The following HTR2C variants were observed in gnomAD, a reference collection of about 807,000 sequenced individuals.
HTR2C encodes the protein 5-hydroxytryptamine (serotonin) receptor 2C, G protein-coupled.
In HTR2C, 5 loss-of-function variants were observed where a neutral mutation model predicts 21.0. The observed-to-expected ratio is 0.24, with a 90% CI of 0.12 to 0.50. HTR2C has a LOEUF of 0.50. Among genes scored for constraint, HTR2C ranks in the 20% least tolerant of loss-of-function variants. The pLI is 0.98. For missense variants in HTR2C, 271 were observed against 371.2 expected, an observed-to-expected ratio of 0.73 and a Z score of 2.22; for synonymous variants, 150 against 145.3, an observed-to-expected ratio of 1.03 and a Z score of -0.23.
chrX:114,810,335 A>G (rs1038394736), intron 4 of HTR2C, among the ~76,000 whole-genome samples: 3 of 111,483 alleles, frequency 2.7e-5, no homozygotes, highest in Non-Finnish European at 5.7e-5. Flanking sequence ...CAAGCCCAGC[A>G]CAGCACCAGG....
chrX:114,874,490 G>A (rs781807367), intron 5 of HTR2C, among the ~76,000 whole-genome samples: 1 of 110,468 alleles, frequency 9.1e-6, no homozygotes, highest in Non-Finnish European at 1.9e-5. Context: ...ACAGGTATGA[G>A]GTGACAGCTC....
intron 2 of HTR2C, among the ~76,000 whole-genome samples, chrX:114,708,638 T>TA (rs1243837450): frequency 2.7e-5 from 3 of 109,254 alleles, no homozygotes; most frequent in Non-Finnish European, 5.7e-5. Context: ...ACTCTGTAGC[T>TA]AAAAAAAATT....
chrX:114,669,609 C>T (rs1556411354), intron 2 of HTR2C, among the ~76,000 whole-genome samples: 2 of 111,495 alleles, frequency 1.8e-5, no homozygotes, highest in Non-Finnish European at 3.8e-5. Flanking sequence ...GCAGGAAAAT[C>T]ACTTGGACCA....
At chrX:114,807,022 TATATACC>T (rs1556450464) in intron 4 of HTR2C, among the ~76,000 whole-genome samples, 3 of 50,808 alleles carry the variant, frequency 5.9e-5, no homozygotes, top group Admixed American at 7.0e-4. Context: ...ATATATACCA[TATATACC>T]ATATACACCA....
At chrX:114,696,166 C>T (rs149271136) in intron 2 of HTR2C, among the ~76,000 whole-genome samples, 85 of 111,424 alleles carry the variant, frequency 7.6e-4, no homozygotes, top group African/African-American at 2.5e-3. Flanking sequence ...TCAAGCAAGA[C>T]CATACATTAA....
chrX:114,758,572 A>G (rs1425385894), intron 4 of HTR2C, among the ~76,000 whole-genome samples: 1 of 111,396 alleles, frequency 9.0e-6, no homozygotes, highest in East Asian at 2.8e-4. Context: ...AAAAAAGAAA[A>G]GATGTTTTGT....
chrX:114,633,947 T>TATATATAGAGAGAGAG (rs201763901), intron 2 of HTR2C, among the ~76,000 whole-genome samples: 8 of 92,191 alleles, frequency 8.7e-5, no homozygotes, highest in South Asian at 5.9e-4. Context: ...TATATATATA[T>TATATATAGAGAGAGAG]AGAGAGAGAG....
chrX:114,668,209 A>G (rs1168249755), intron 2 of HTR2C, among the ~76,000 whole-genome samples: 2 of 111,851 alleles, frequency 1.8e-5, no homozygotes, highest in South Asian at 3.7e-4. Context: ...TTTGTAGACT[A>G]TATTGTTTCT....
chrX:114,855,555 G>A (rs1234167292), intron 5 of HTR2C, among the ~76,000 whole-genome samples: 6 of 109,920 alleles, frequency 5.5e-5, no homozygotes, highest in Non-Finnish European at 7.6e-5. Context: ...GCAGCAAATA[G>A]CATCTATTTT....
chrX:114,713,832 C>T (rs1556419453), intron 2 of HTR2C, among the ~76,000 whole-genome samples: 1 of 110,672 alleles, frequency 9.0e-6, no homozygotes, highest in Non-Finnish European at 1.9e-5. Context: ...CTTTTCATTC[C>T]TCACTCTCAA....
chrX:114,631,886 A>G (rs1426928665), intron 2 of HTR2C, among the ~76,000 whole-genome samples: 1 of 111,564 alleles, frequency 9.0e-6, no homozygotes, highest in Non-Finnish European at 1.9e-5. Flanking sequence ...ACGATGATCA[A>G]TTTTTCATTT....
At chrX:114,808,724 T>C (rs1244916934) in intron 4 of HTR2C, among the ~76,000 whole-genome samples, 1 of 111,955 alleles carries the variant, frequency 8.9e-6, no homozygotes, top group Non-Finnish European at 1.9e-5. Context: ...TCAATGATAG[T>C]GAGCCCCTTT....
chrX:114,889,135 A>G (rs2071241393), intron 5 of HTR2C, among the ~76,000 whole-genome samples: 1 of 111,823 alleles, frequency 8.9e-6, no homozygotes, highest in Non-Finnish European at 1.9e-5. Context: ...TGTTTTCACT[A>G]TTTATTGTGG....
chrX:114,864,461 G>A (rs782083778), intron 5 of HTR2C, among the ~76,000 whole-genome samples: 1 of 111,392 alleles, frequency 9.0e-6, no homozygotes, highest in Non-Finnish European at 1.9e-5. Context: ...CACAACTTTT[G>A]TCTTGTTATA....
At chrX:114,784,683 G>C (rs1025084282) in intron 4 of HTR2C, among the ~76,000 whole-genome samples, 1 of 107,127 alleles carries the variant, frequency 9.3e-6, no homozygotes. Context: ...GCAGTGGCGC[G>C]ATCTCAGCTC....
At chrX:114,590,535 CTTGA>C (rs1244871585) in intron 1 of HTR2C, among the ~76,000 whole-genome samples, 2 of 111,277 alleles carry the variant, frequency 1.8e-5, no homozygotes, top group Non-Finnish European at 3.8e-5. Flanking sequence ...GTTAACATAT[CTTGA>C]TTGATTGTAT....
At chrX:114,643,946 C>G (rs1556406901) in intron 2 of HTR2C, among the ~76,000 whole-genome samples, 1 of 111,172 alleles carries the variant, frequency 9.0e-6, no homozygotes. Context: ...GTTAGTGGAA[C>G]AATTTGGGAA....
intron 4 of HTR2C, among the ~76,000 whole-genome samples, chrX:114,763,983 A>G (rs1156780801): frequency 1.8e-5 from 2 of 111,988 alleles, no homozygotes; most frequent in African/African-American, 6.5e-5. Flanking sequence ...GTATCAGTAT[A>G]TTTAAATTAT....
intron 5 of HTR2C, among the ~76,000 whole-genome samples, chrX:114,851,595 G>A (rs1556469272): frequency 9.0e-6 from 1 of 111,260 alleles, no homozygotes; most frequent in African/African-American, 3.3e-5. Context: ...TTATTTATTA[G>A]TTCATGTTGG....
Sources: gnomAD v4.1 joint callset for allele counts (sites outside exome capture counted in the v4.1 genomes callset) on GRCh38, gnomAD v4.1.1 for gene constraint, MANE v1.5 for transcripts, NCBI Gene and HGNC (gene_info 2026-07-23, HGNC 2026-07-21) for gene names.